PCNX2: variants seen among roughly 807,000 people sequenced by gnomAD.
PCNX2 encodes the protein pecanex 2.
PCNX2 carries 168 observed loss-of-function variants against 223.8 expected under a neutral mutation model. The ratio of observed to expected loss-of-function variants is 0.75; its 90% CI spans 0.66 to 0.85. PCNX2 has a LOEUF of 0.85. Among genes scored for constraint, PCNX2 ranks in the 40% least tolerant of loss-of-function variants. The pLI, the probability that PCNX2 is intolerant of heterozygous loss-of-function variation, is 0.00. For synonymous variants in PCNX2, 1,006 were observed against 1,052.6 expected (o/e 0.96, Z 0.86); for missense variants, 2,507 against 2,675.5 (o/e 0.94, Z 1.39).
chr1:233,273,318 C>T (rs76511104), intron 1 of PCNX2, among the ~76,000 whole-genome samples: 7,098 of 151,884 alleles, frequency 0.047, 220 homozygotes, highest in Non-Finnish European at 0.073. Flanking sequence ...AGCTGCAGTG[C>T]TGTGTGAGCC....
intron 26 of PCNX2, among the ~76,000 whole-genome samples, chr1:233,017,808 T>C (rs1187798837): frequency 6.6e-6 from 1 of 152,172 alleles, no homozygotes; most frequent in African/African-American, 2.4e-5. Context: ...TAACAGAATG[T>C]AATGGAACAT....
chr1:233,149,433 C>T (rs1677659497), intron 19 of PCNX2, among the ~76,000 whole-genome samples: 1 of 151,132 alleles, frequency 6.6e-6, no homozygotes, highest in Non-Finnish European at 1.5e-5. Context: ...GGGCTTCCTG[C>T]TATATAAGGG....
chr1:233,249,440 C>T (rs1659319578), intron 8 of PCNX2, among the ~76,000 whole-genome samples: 1 of 152,212 alleles, frequency 6.6e-6, no homozygotes. Flanking sequence ...GATGACTAAA[C>T]TCATCAAACC....
At chr1:233,277,176 G>A (rs985888301) in intron 1 of PCNX2, among the ~76,000 whole-genome samples, 6 of 152,102 alleles carry the variant, frequency 3.9e-5, no homozygotes, top group African/African-American at 1.4e-4. Flanking sequence ...GAAAGGAGTG[G>A]GATAAGTCTG....
chr1:233,055,290 C>A (rs1672151860), intron 24 of PCNX2, among the ~76,000 whole-genome samples: 1 of 152,128 alleles, frequency 6.6e-6, no homozygotes, highest in South Asian at 2.1e-4. Context: ...TGGAATTGTC[C>A]ACTGTTGCTT....
rs1248786164 is a variant in PCNX2, at chr1:233,250,781, A to G, written c.2180T>C (p.Leu727Ser). Residue 727 changes from leucine to serine, a missense_variant, in exon 8 of 34, where the codon TTA becomes TCA. Leu to Ser is a moderately radical substitution (Grantham distance 145). Around this residue, in one of 3 missense-constraint regions of PCNX2, gnomAD observed 1,031 missense variants for 1,021.7 expected, o/e 1.01. Transcript: ENST00000258229. ...LKSGNQKEGP[L>S]QPLPSNNDCL... ...GTCATTATTTGATGGTAGAGGCTGT[A>G]AAGGGCCTTCTTTCTGATTTCCAGA... is the stretch of plus-strand genomic sequence containing the variant. 21 of 1,607,306 alleles carry G rather than the reference A, an allele frequency of 1.3e-5. No individual in the cohort carries two copies. Among genetic ancestry groups the G allele is most frequent in the Non-Finnish European group, 1.8e-5 (21 of 1,176,764 alleles).
chr1:233,200,832 G>C (rs1450271549), intron 13 of PCNX2, among the ~76,000 whole-genome samples: 1 of 151,682 alleles, frequency 6.6e-6, no homozygotes, highest in Non-Finnish European at 1.5e-5. Flanking sequence ...GACCAGCCTG[G>C]CCAACATGGC....
At chr1:233,176,364 T>C (rs1454164043) in intron 17 of PCNX2, among the ~76,000 whole-genome samples, 3 of 152,212 alleles carry the variant, frequency 2.0e-5, no homozygotes, top group African/African-American at 4.8e-5. Context: ...TTCTTCCTTT[T>C]CTTCTCCCGT....
intron 4 of PCNX2, 78 bp from the exon 5 acceptor site, chr1:233,259,422 A>G: frequency 1.4e-6 from 2 of 1,449,022 alleles, no homozygotes; most frequent in Non-Finnish European, 1.8e-6. Flanking sequence ...ATGAATAATA[A>G]CAAAACTAAA....
chr1:233,258,819 T>A lies in PCNX2; in HGVS notation c.1043A>T (p.Asp348Val). ...AACAGCTACCTCACTATCTGAGGAG[T>A]CCACTTCCTGGTGCAAGGGCAGGTC... is the stretch of plus-strand genomic sequence containing the variant. The part of the protein sequence containing the change: ...QGDLPLHQEV[D>V]SSDSEVAVTL... Residue 348 changes from aspartate (D) to valine (V), a missense_variant, in exon 5 of 34, where the codon GAC becomes GTC. Asp to Val is a radical substitution (Grantham distance 152). Coordinates refer to ENST00000258229, the MANE Select transcript of PCNX2 (RefSeq NM_014801.4). 2.5e-6 allele frequency: 4 copies of A among 1,613,590 alleles called. No homozygotes were observed. Among genetic ancestry groups the A allele is most frequent in the Non-Finnish European group, 3.4e-6 (4 of 1,179,788 alleles).
rs183097709 is a variant in PCNX2 at position 233,194,461 on chromosome 1, C to A, written c.3066+4478G>T. 2.6e-5 allele frequency among the ~76,000 whole-genome samples: 4 copies of A among 151,972 alleles called. No individual in the cohort carries two copies. In the East Asian group the frequency reaches 7.7e-4, roughly 29 times the overall value. Reference sequence around the variant, plus strand: ...AATCTACACAAAGAAATGTACATTGCAGAAATTATTTTTTAAAATAACGTA... The same window carrying A: ...AATCTACACAAAGAAATGTACATTGAAGAAATTATTTTTTAAAATAACGTA... On this transcript the variant is annotated intron_variant, in intron 15 of 33. Transcript: ENST00000258229.
chr1:232,994,107 T>C (rs1669796445), intron 32 of PCNX2, among the ~76,000 whole-genome samples: 1 of 152,196 alleles, frequency 6.6e-6, no homozygotes, highest in Non-Finnish European at 1.5e-5. Flanking sequence ...CTAGTGGAGC[T>C]ATGAGAAGAG....
chr1:233,318,840 G>A, the PCNX2 span, among the ~76,000 whole-genome samples: 1 of 151,988 alleles, frequency 6.6e-6, no homozygotes, highest in Non-Finnish European at 1.5e-5. Flanking sequence ...AAAGTGCTGG[G>A]ATTACAAGCG....
intron 1 of PCNX2, among the ~76,000 whole-genome samples, chr1:233,282,788 T>A (rs1250899621): frequency 6.6e-6 from 1 of 152,214 alleles, no homozygotes; most frequent in Middle Eastern, 3.2e-3. Flanking sequence ...ATTCAGCATA[T>A]CTTTTTATAT....
rs1375809946 is a variant in PCNX2, at chr1:233,054,468, T to C, written c.4151A>G (p.Asn1384Ser). 6.2e-7 allele frequency: 1 copy of C among 1,612,742 alleles called. No individual in the cohort carries two copies. The highest frequency in any genetic ancestry group is 8.5e-7 in the Non-Finnish European group (1 of 1,179,102). ...IERDPGNDDN[N>S]LNSIFYEHLT... ...GTGTTCATAAAAAATGGAATTGAGA[T>C]TGTTGTCATCATTCCCTAAAGGCAG... Residue 1384 changes from asparagine to serine, a missense_variant, in exon 25 of 34, where the codon AAT (asparagine) becomes AGT (serine). Asn to Ser is a conservative substitution (Grantham distance 46). Around this residue, in one of 3 missense-constraint regions of PCNX2, gnomAD observed 1,372 missense variants for 1,509.4 expected, o/e 0.91. Coordinates refer to ENST00000258229, the MANE Select transcript of PCNX2 (RefSeq NM_014801.4).
At position 233,218,141 on chromosome 1, in the gene PCNX2, C is replaced by T; in HGVS notation, c.2548G>A (p.Val850Ile). ...AGAAATCCAAGGAGGGAAACCAGGA[C>T]AATGAGTAAAATCGCCAGTACATTC... The part of the protein sequence containing the change: ...KENVLAILLI[V>I]LVSLLGFLTL... The change falls in exon 11 of 34, where the codon GTC (valine) becomes ATC (isoleucine). Residue 850 changes from valine (V) to isoleucine (I), a missense_variant. Physicochemically the swap from Val to Ile is conservative, Grantham distance 29 (BLOSUM62 3). Coordinates refer to ENST00000258229, the MANE Select transcript of PCNX2 (RefSeq NM_014801.4). 1.5e-6 allele frequency: 2 copies of T among 1,321,098 alleles called. No homozygotes were observed. The highest frequency in any genetic ancestry group is 2.0e-6 in the Non-Finnish European group (2 of 1,012,116). 81.8% of individuals were successfully genotyped at this position (1,321,098 alleles called of 1,614,324 possible).
intron 25 of PCNX2, among the ~76,000 whole-genome samples, chr1:233,047,719 G>A (rs1671867519): frequency 6.6e-6 from 1 of 152,114 alleles, no homozygotes; most frequent in Admixed American, 6.5e-5. Flanking sequence ...TACTTATAGA[G>A]CTATGAAAAG....
At chr1:233,207,650 T>A (rs1681557457) in intron 13 of PCNX2, among the ~76,000 whole-genome samples, 1 of 152,212 alleles carries the variant, frequency 6.6e-6, no homozygotes, top group African/African-American at 2.4e-5. Context: ...TGCCTTTATA[T>A]CACAGTTAAG....
intron 28 of PCNX2, among the ~76,000 whole-genome samples, chr1:233,013,673 G>A (rs1464190562): frequency 1.3e-5 from 2 of 152,166 alleles, no homozygotes; most frequent in African/African-American, 4.8e-5. Context: ...GCAAGTCCAA[G>A]TAGAAACAAT....
Sources: allele counts gnomAD v4.1 joint callset (sites outside exome capture counted in the v4.1 genomes callset), GRCh38; gene constraint gnomAD v4.1.1; regional missense constraint gnomAD v4.1.1; transcripts MANE v1.5; gene names NCBI Gene and HGNC (gene_info 2026-07-23, HGNC 2026-07-21).